The following IL1RAPL2 variants were observed in gnomAD, a reference collection of about 807,000 sequenced individuals.
IL1RAPL2 encodes X-linked interleukin-1 receptor accessory protein-like 2.
Under a neutral mutation model 44.1 loss-of-function variants are expected in IL1RAPL2, and 3 were observed. The ratio of observed to expected loss-of-function variants is 0.07; its 90% CI spans 0.03 to 0.18. The LOEUF is 0.18. IL1RAPL2 is among the 10% of genes least tolerant of loss of function. The pLI, the probability that IL1RAPL2 is intolerant of heterozygous loss-of-function variation, is 1.00. For synonymous variants in IL1RAPL2, 181 were observed against 178.8 expected (o/e 1.01, Z -0.10); for missense variants, 391 against 496.4 (o/e 0.79, Z 2.02).
At chrX:104,951,257 T>C (rs1925576739) in intron 2 of IL1RAPL2, among the ~76,000 whole-genome samples, 1 of 112,483 alleles carries the variant, frequency 8.9e-6, no homozygotes, top group Non-Finnish European at 1.9e-5. Flanking sequence ...TAACATTTGC[T>C]ACAGTTCCAG....
chrX:105,563,411 T>C (rs2036953402), intron 6 of IL1RAPL2, among the ~76,000 whole-genome samples: 1 of 111,805 alleles, frequency 8.9e-6, no homozygotes, highest in African/African-American at 3.3e-5. Flanking sequence ...TCTTTAGTCC[T>C]GTGAGGCACT....
chrX:104,568,530 G>C (rs1342043644), intron 1 of IL1RAPL2, among the ~76,000 whole-genome samples: 8 of 111,745 alleles, frequency 7.2e-5, no homozygotes, highest in Non-Finnish European at 1.3e-4. Flanking sequence ...TCTAATTTGC[G>C]GGCCGCCCTG....
At chrX:105,044,121 T>C (rs1240316506) in intron 2 of IL1RAPL2, among the ~76,000 whole-genome samples, 1 of 111,187 alleles carries the variant, frequency 9.0e-6, no homozygotes, top group African/African-American at 3.3e-5. Flanking sequence ...GGAACACTTA[T>C]CAGAATGTCA....
intron 6 of IL1RAPL2, among the ~76,000 whole-genome samples, chrX:105,665,781 G>A (rs1182822583): frequency 5.6e-5 from 5 of 89,783 alleles, no homozygotes; most frequent in African/African-American, 1.3e-4. Flanking sequence ...GTTGTTTTCC[G>A]AGATGGAGTC....
chrX:104,901,458 G>A lies in IL1RAPL2; in HGVS notation c.82+242463G>A, dbSNP rs745880509. On this transcript the variant is annotated intron_variant, in intron 2 of 10. Coordinates refer to ENST00000372582, the MANE Select transcript of IL1RAPL2 (RefSeq NM_017416.2). ...GATCTCCTGACCTCGTGATCCGCCC[G>A]CCTCAGCCTCCCAGAGTGCTGGGAT... is the stretch of plus-strand genomic sequence containing the variant. 7.3e-5 allele frequency among the ~76,000 whole-genome samples: 8 copies of A among 109,495 alleles called. No homozygotes were observed. In the South Asian group the frequency reaches 1.2e-3, roughly 16 times the overall value.
At chrX:105,296,235 A>G (rs2034653937) in intron 5 of IL1RAPL2, among the ~76,000 whole-genome samples, 2 of 110,377 alleles carry the variant, frequency 1.8e-5, no homozygotes, top group Non-Finnish European at 3.8e-5. Flanking sequence ...TTCCTAGAAT[A>G]TATGCATTTT....
intron 2 of IL1RAPL2, among the ~76,000 whole-genome samples, chrX:104,861,650 C>T (rs770076904): frequency 9.1e-6 from 1 of 110,430 alleles, no homozygotes; most frequent in East Asian, 2.9e-4. Flanking sequence ...TGATTTGGTA[C>T]CCTCGAGAGT....
chrX:105,381,321 C>G (rs190970588), intron 5 of IL1RAPL2, among the ~76,000 whole-genome samples: 12 of 111,846 alleles, frequency 1.1e-4, no homozygotes, highest in Non-Finnish European at 2.3e-4. Context: ...CACTGTGCTA[C>G]TTCATCAGAC....
intron 3 of IL1RAPL2, among the ~76,000 whole-genome samples, chrX:105,212,672 C>T (rs782087738): frequency 2.7e-5 from 3 of 112,047 alleles, no homozygotes; most frequent in Non-Finnish European, 5.6e-5. Flanking sequence ...ACCCCCATGC[C>T]TTCTGACTGG....
chrX:104,937,898 T>A (rs1288831946), intron 2 of IL1RAPL2, among the ~76,000 whole-genome samples: 1 of 112,491 alleles, frequency 8.9e-6, no homozygotes. Flanking sequence ...TGCATATTGC[T>A]TTTAGTTTAA....
intron 2 of IL1RAPL2, among the ~76,000 whole-genome samples, chrX:104,738,075 A>G (rs1331227653): frequency 3.6e-5 from 4 of 112,182 alleles, no homozygotes; most frequent in Non-Finnish European, 7.5e-5. Flanking sequence ...TTGAAGTTGA[A>G]TATTGAAACT....
intron 5 of IL1RAPL2, among the ~76,000 whole-genome samples, chrX:105,309,511 T>C (rs1263799866): frequency 9.3e-6 from 1 of 107,423 alleles, no homozygotes; most frequent in Non-Finnish European, 1.9e-5. Context: ...GTGGGCAGAT[T>C]ACCTGAGGTC....
rs180705570 is a variant in IL1RAPL2, at chrX:105,662,691, C to T, written c.773-54676C>T. Among the ~76,000 whole-genome samples, 508 of 111,332 alleles carry T rather than the reference C, an allele frequency of 4.6e-3. 4 individuals carry two copies. The highest frequency in any genetic ancestry group is 0.02 in the South Asian group (52 of 2,635). ...CCTCCTCACTGGCTCTCTCTCAGGTCGTTTGCGCAGAGGGAAATTTACAGC... is the reference window on the plus strand; with the variant it reads ...CCTCCTCACTGGCTCTCTCTCAGGTTGTTTGCGCAGAGGGAAATTTACAGC... On this transcript the variant is annotated intron_variant, in intron 6 of 10. Transcript: ENST00000372582.
chrX:104,594,161 T>C (rs1928720691), intron 1 of IL1RAPL2, among the ~76,000 whole-genome samples: 1 of 111,994 alleles, frequency 8.9e-6, no homozygotes, highest in Non-Finnish European at 1.9e-5. Context: ...ATGGAGCTTC[T>C]GTGTCTTATT....
intron 5 of IL1RAPL2, among the ~76,000 whole-genome samples, chrX:105,463,567 CTCCCA>C (rs2036107722): frequency 3.0e-5 from 1 of 33,042 alleles, no homozygotes. Context: ...CTCTCTCTCT[CTCCCA>C]CACACACACA....
At chrX:105,012,643 TCTCA>T (rs1477455913) in intron 2 of IL1RAPL2, among the ~76,000 whole-genome samples, 35 of 61,323 alleles carry the variant, frequency 5.7e-4, no homozygotes, top group Admixed American at 1.3e-3. Flanking sequence ...TCTCTCTCTC[TCTCA>T]CACACACACA....
chrX:104,645,613 A>C (rs1930021347), intron 1 of IL1RAPL2, among the ~76,000 whole-genome samples: 1 of 112,022 alleles, frequency 8.9e-6, no homozygotes, highest in Admixed American at 9.4e-5. Context: ...TTTCCTTTCA[A>C]AACACTCCAT....
At chrX:105,193,937 G>A (rs144451959) in intron 2 of IL1RAPL2, among the ~76,000 whole-genome samples, 149 of 111,777 alleles carry the variant, frequency 1.3e-3, no homozygotes, top group Non-Finnish European at 2.1e-3. Context: ...CCCACGTGCA[G>A]CAGGCCAGTG....
At chrX:105,723,360 A>G (rs2038322372) in intron 7 of IL1RAPL2, among the ~76,000 whole-genome samples, 1 of 111,523 alleles carries the variant, frequency 9.0e-6, no homozygotes, top group Non-Finnish European at 1.9e-5. Context: ...CACTTAAGTA[A>G]TCGCTGAGAA....
Sources: gnomAD v4.1 joint callset for allele counts (sites outside exome capture counted in the v4.1 genomes callset) on GRCh38, gnomAD v4.1.1 for gene constraint, MANE v1.5 for transcripts, NCBI Gene and HGNC (gene_info 2026-07-23, HGNC 2026-07-21) for gene names.